Variants in FBXO33 observed in about 807,000 individuals in gnomAD.
FBXO33 encodes F-box protein 33, also known as F-box only protein 33.
A neutral mutation model predicts 46.3 loss-of-function variants in FBXO33; 22 were observed. The observed-to-expected ratio is 0.48, with a 90% CI of 0.34 to 0.68. FBXO33 has a LOEUF of 0.68. Ranked by LOEUF, FBXO33 falls within the 30% of genes least tolerant of loss-of-function variation. The pLI is 0.01. For missense variants in FBXO33, 692 were observed against 708.8 expected (o/e 0.98, Z 0.27); for synonymous variants, 337 against 291.3 (o/e 1.16, Z -1.60).
At chr14:39,431,519 G>A (rs2139425528) in intron 1 of FBXO33, 45 bp downstream of exon 1, 1 of 1,603,386 alleles carries the variant, frequency 6.2e-7, no homozygotes, top group East Asian at 2.2e-5. Context: ...CGGGGACGGA[G>A]CGACCCCCCG....
At position 39,401,532 on chromosome 14, in the gene FBXO33, A is replaced by G; in HGVS notation, c.1040T>C (p.Met347Thr). Residue 347 changes from methionine to threonine, a missense_variant, in exon 3 of 4, where the codon ATG becomes ACG. By Grantham distance (81) the Met-to-Thr change is moderately conservative. Coordinates refer to ENST00000298097, the MANE Select transcript of FBXO33 (RefSeq NM_203301.4). Reference protein sequence around the residue: ...LSLLVHNVSVMHKSLDNMPND... With the variant: ...LSLLVHNVSVTHKSLDNMPND... ...TGGCATGTTGTCCAGAGACTTGTGC[A>G]TTACAGAAACATTGTGAACCAGAAG... 1 of 1,614,210 alleles carries G rather than the reference A, an allele frequency of 6.2e-7. No individual in the cohort carries two copies. Among genetic ancestry groups the G allele is most frequent in the South Asian group, 1.1e-5 (1 of 91,086 alleles).
At chr14:39,411,657 C>T (rs1567075201) in intron 1 of FBXO33, among the ~76,000 whole-genome samples, 2 of 151,600 alleles carry the variant, frequency 1.3e-5, no homozygotes, top group Admixed American at 6.6e-5. Context: ...CGAGTAGCTG[C>T]GACTACAGGT....
chr14:39,404,098 A>C (rs1047403020), intron 1 of FBXO33, among the ~76,000 whole-genome samples: 1 of 152,134 alleles, frequency 6.6e-6, no homozygotes, highest in Non-Finnish European at 1.5e-5. Flanking sequence ...CCTTAATTTC[A>C]CGGAAAAGCC....
intron 1 of FBXO33, among the ~76,000 whole-genome samples, chr14:39,427,954 T>TA (rs2075523961): frequency 6.6e-6 from 1 of 152,112 alleles, no homozygotes; most frequent in Non-Finnish European, 1.5e-5. Flanking sequence ...AAAATATTTT[T>TA]AAATGTCTTT....
rs2075565958 is a variant in FBXO33, at chr14:39,432,229, T to G, written c.-67A>C. The stretch of plus-strand genomic sequence containing the variant: ...GCGGAACCAAGTAGAACACAAGTTG[T>G]GGAGAGGGGGAAAGGCCTCTGCGGG... On this transcript the variant is annotated 5_prime_UTR_variant, in exon 1 of 4. Coordinates refer to ENST00000298097, the MANE Select transcript of FBXO33 (RefSeq NM_203301.4). 2 of 1,158,474 alleles carry G rather than the reference T, an allele frequency of 1.7e-6. No individual in the cohort carries two copies. The highest frequency in any genetic ancestry group is 2.1e-6 in the Non-Finnish European group (2 of 936,522). 71.8% of individuals were successfully genotyped at this position (1,158,474 alleles called of 1,614,324 possible). A position where few individuals can be genotyped will look rare whatever the true frequency, so the allele number is the denominator to read the frequency against.
chr14:39,399,932 A>G lies in FBXO33; in HGVS notation c.1397-145T>C, dbSNP rs2075361010. The G allele has an allele frequency of 5.2e-6, 5 of 962,550 alleles. No homozygotes were observed. The South Asian group carries it at 1.4e-4, about 27-fold the overall frequency. 59.6% of individuals were successfully genotyped at this position (962,550 alleles called of 1,614,324 possible). A position where few individuals can be genotyped will look rare whatever the true frequency, so the allele number is the denominator to read the frequency against. ...GTTTTGGTCTTTTTCCTTTAGAAAT[A>G]TATTGAAATTGGAAAAGGAAACATG... is the stretch of plus-strand genomic sequence containing the variant. On this transcript the variant is annotated intron_variant, in intron 3 of 3. Coordinates refer to ENST00000298097, the MANE Select transcript of FBXO33 (RefSeq NM_203301.4).
At chr14:39,408,725 T>G (rs1595983610) in intron 1 of FBXO33, among the ~76,000 whole-genome samples, 1 of 151,532 alleles carries the variant, frequency 6.6e-6, no homozygotes. Context: ...GCCAGGCTGG[T>G]CTTGAACTCC....
chr14:39,403,497 G>T (rs1002584294), intron 1 of FBXO33, among the ~76,000 whole-genome samples: 1 of 152,146 alleles, frequency 6.6e-6, no homozygotes, highest in South Asian at 2.1e-4. Context: ...ACTGGGAGGC[G>T]GAGGTTGCAG....
chr14:39,408,809 G>A (rs1160136993), intron 1 of FBXO33, among the ~76,000 whole-genome samples: 1 of 151,368 alleles, frequency 6.6e-6, no homozygotes, highest in African/African-American at 2.4e-5. Context: ...ACAGGGTCCT[G>A]CTGTTTCCCA....
intron 1 of FBXO33, among the ~76,000 whole-genome samples, chr14:39,418,318 C>T (rs1340396649): frequency 6.6e-6 from 1 of 151,536 alleles, no homozygotes; most frequent in Admixed American, 6.6e-5. Flanking sequence ...CTGCCTCAGC[C>T]TCCCAAAGTG....
chr14:39,411,970 A>T (rs1347586565), intron 1 of FBXO33, among the ~76,000 whole-genome samples: 4 of 152,204 alleles, frequency 2.6e-5, no homozygotes, highest in Non-Finnish European at 5.9e-5. Context: ...CTTGTTTTGT[A>T]GCCTAACATG....
At chr14:39,422,317 T>C (rs892961359) in intron 1 of FBXO33, among the ~76,000 whole-genome samples, 3 of 152,216 alleles carry the variant, frequency 2.0e-5, no homozygotes, top group African/African-American at 7.2e-5. Context: ...TCACTTCTGT[T>C]GCTCATGCCC....
intron 1 of FBXO33, among the ~76,000 whole-genome samples, chr14:39,430,213 C>T (rs1329685033): frequency 6.6e-6 from 1 of 152,136 alleles, no homozygotes; most frequent in Admixed American, 6.5e-5. Flanking sequence ...CTTCAATGGC[C>T]TCTCCTGCCA....
chr14:39,430,853 G>C (rs2075541195), intron 1 of FBXO33, among the ~76,000 whole-genome samples: 1 of 152,118 alleles, frequency 6.6e-6, no homozygotes, highest in African/African-American at 2.4e-5. Context: ...TGCAAAACCA[G>C]AACAGTTATG....
intron 1 of FBXO33, among the ~76,000 whole-genome samples, chr14:39,420,548 G>T (rs187105373): frequency 6.6e-6 from 1 of 152,084 alleles, no homozygotes; most frequent in Non-Finnish European, 1.5e-5. Flanking sequence ...TTAGCCAGGC[G>T]TGGTGGTGGG....
chr14:39,418,095 G>A (rs2075458219), intron 1 of FBXO33, among the ~76,000 whole-genome samples: 1 of 151,270 alleles, frequency 6.6e-6, no homozygotes, highest in Admixed American at 6.6e-5. Flanking sequence ...ATGGAGTCTT[G>A]CTCTGTCACC....
intron 2 of FBXO33, among the ~76,000 whole-genome samples, 162 bp downstream of exon 2, chr14:39,402,239 G>A (rs2075372024): frequency 6.6e-6 from 1 of 152,168 alleles, no homozygotes; most frequent in Non-Finnish European, 1.5e-5. Context: ...TTATGAGATG[G>A]AATGGCAGAT....
Position 39,430,388 on chromosome 14 carries a change from C to G in FBXO33, c.599+1176G>C, listed in dbSNP as rs921977085. Reference sequence around the variant, plus strand: ...ATGGCGCATACATATATATATATAACCTTATATCTATATATATCTCCTAGC... The same window carrying G: ...ATGGCGCATACATATATATATATAAGCTTATATCTATATATATCTCCTAGC... On this transcript the variant is annotated intron_variant, in intron 1 of 3. Transcript: ENST00000298097. Among the ~76,000 whole-genome samples the G allele has an allele frequency of 6.6e-5, 10 of 152,104 alleles. No individual in the cohort carries two copies. In the South Asian group the frequency reaches 8.3e-4, roughly 13 times the overall value.
chr14:39,401,952 G>A, intron 2 of FBXO33, 91 bp from the exon 3 acceptor site: 1 of 1,029,202 alleles, frequency 9.7e-7, no homozygotes, highest in Non-Finnish European at 1.4e-6. Flanking sequence ...TGAAAAGCAT[G>A]CAATTTTGAG....
Sources: allele counts gnomAD v4.1 joint callset (sites outside exome capture counted in the v4.1 genomes callset), GRCh38; gene constraint gnomAD v4.1.1; transcripts MANE v1.5; gene names NCBI Gene and HGNC (gene_info 2026-07-23, HGNC 2026-07-21).